SH3GL1: variants seen among roughly 807,000 people sequenced by gnomAD.
SH3GL1 encodes endophilin-A2.
Under a neutral mutation model 48.8 loss-of-function variants are expected in SH3GL1, and 21 were observed. That is an observed-to-expected ratio of 0.43 (90% CI 0.30 to 0.62). SH3GL1 has a LOEUF of 0.62. Among genes scored for constraint, SH3GL1 ranks in the 20% least tolerant of loss-of-function variants. SH3GL1 has a pLI of 0.11. For synonymous variants in SH3GL1, 282 were observed against 217.5 expected (o/e 1.30, Z -2.61); for missense variants, 454 against 503.0 (o/e 0.90, Z 0.93).
rs552687602 is a variant in SH3GL1, at chr19:4,361,239, C to G, written c.*361G>C. The G allele has an allele frequency of 2.9e-6, 1 of 348,148 alleles. No individual in the cohort carries two copies. Among genetic ancestry groups the G allele is most frequent in the Admixed American group, 4.4e-5 (1 of 22,550 alleles). 21.6% of individuals were successfully genotyped at this position (348,148 alleles called of 1,614,324 possible). A position where few individuals can be genotyped will look rare whatever the true frequency, so the allele number is the denominator to read the frequency against. ...GGGCCGGGCCCCCGTCGGGTCAGGA[C>G]GGAGGTGGGGGCTGCCCCAGAGGAA... On this transcript the variant is annotated 3_prime_UTR_variant, in exon 10 of 10. Transcript: ENST00000269886.
Position 4,371,673 on chromosome 19 carries a change from A to C in SH3GL1, c.46-4679T>G, listed in dbSNP as rs549197365. On this transcript the variant is annotated intron_variant, in intron 1 of 9. Coordinates refer to ENST00000269886, the MANE Select transcript of SH3GL1 (RefSeq NM_003025.4). The stretch of plus-strand genomic sequence containing the variant: ...CAGAGGGGTCGGCCCCAGGGTCCTC[A>C]GGTCTCACTGGCAGTCATGCTGTGG... Among the ~76,000 whole-genome samples, 21 of 152,298 alleles carry C rather than the reference A, an allele frequency of 1.4e-4. 1 individual carries two copies. The highest frequency in any genetic ancestry group is 2.8e-4 in the Non-Finnish European group (19 of 68,018).
At chr19:4,390,908 G>A (rs930625149) in intron 1 of SH3GL1, among the ~76,000 whole-genome samples, 3 of 152,202 alleles carry the variant, frequency 2.0e-5, no homozygotes, top group East Asian at 1.9e-4. Flanking sequence ...TACTGGGGAC[G>A]TTGGCAGCAT....
chr19:4,390,913 C>G (rs1177367227), intron 1 of SH3GL1, among the ~76,000 whole-genome samples: 1 of 152,208 alleles, frequency 6.6e-6, no homozygotes, highest in Non-Finnish European at 1.5e-5. Flanking sequence ...GGGACGTTGG[C>G]AGCATGCTCC....
chr19:4,369,100 A>C lies in SH3GL1; in HGVS notation c.46-2106T>G, dbSNP rs376504433. Among the ~76,000 whole-genome samples, 41 of 151,784 alleles carry C rather than the reference A, an allele frequency of 2.7e-4. No homozygotes were observed. The South Asian group carries it at 5.2e-3, about 19-fold the overall frequency. On this transcript the variant is annotated intron_variant, in intron 1 of 9. Transcript: ENST00000269886. ...AGAAAGAAGAAAGAAAAAAAAAATC[A>C]CCTCGTCACACCCACCGCGGGAGGG...
chr19:4,382,973 C>T (rs921002660), intron 1 of SH3GL1, among the ~76,000 whole-genome samples: 1 of 152,172 alleles, frequency 6.6e-6, no homozygotes, highest in Admixed American at 6.5e-5. Context: ...GGCTGGAGTA[C>T]AGTGGCACAA....
At chr19:4,363,645 C>T (rs565089375) in intron 6 of SH3GL1, 75 bp downstream of exon 6, 2 of 1,582,182 alleles carry the variant, frequency 1.3e-6, no homozygotes, top group South Asian at 2.2e-5. Flanking sequence ...ATCTGTCCTC[C>T]AGCTCCCTTG....
In SH3GL1 at chr19:4,389,004, C is replaced by T. The variant is rs1478424884; in HGVS notation, c.45+11320G>A. On this transcript the variant is annotated intron_variant, in intron 1 of 9. Coordinates refer to ENST00000269886, the MANE Select transcript of SH3GL1 (RefSeq NM_003025.4). The surrounding 1 kb of genome is among the most constrained non-coding windows in gnomAD (Gnocchi z 4.5). ...TTGTCAGCCACCTGCCTCCCTGGTGCTGTGACACGGCCTGGTCAGATGCCT... is the reference window on the plus strand; with the variant it reads ...TTGTCAGCCACCTGCCTCCCTGGTGTTGTGACACGGCCTGGTCAGATGCCT... Among the ~76,000 whole-genome samples the T allele has an allele frequency of 1.3e-5, 2 of 152,228 alleles. No individual in the cohort carries two copies. Among genetic ancestry groups the T allele is most frequent in the African/African-American group, 4.8e-5 (2 of 41,468 alleles).
rs531867162 is a variant in SH3GL1 at position 4,368,929 on chromosome 19, G to A, written c.46-1935C>T. 2.4e-4 allele frequency among the ~76,000 whole-genome samples: 36 copies of A among 152,148 alleles called. 1 individual carries two copies. Among genetic ancestry groups the A allele is most frequent in the Admixed American group, 1.1e-3 (17 of 15,278 alleles). ...TACTAAAAATACAAAAAAATTAGCC[G>A]GGCCTGATGGCGGGTGCCTGTAGTC... On this transcript the variant is annotated intron_variant, in intron 1 of 9. Coordinates refer to ENST00000269886, the MANE Select transcript of SH3GL1 (RefSeq NM_003025.4).
Position 4,389,694 on chromosome 19 carries a change from C to T in SH3GL1, c.45+10630G>A, listed in dbSNP as rs1973300444. ...CTGTAGGGTGGGGGCCACGGTGGCCCATCCGTCCTTCCATGTGATATTTAC... is the reference window on the plus strand; with the variant it reads ...CTGTAGGGTGGGGGCCACGGTGGCCTATCCGTCCTTCCATGTGATATTTAC... On this transcript the variant is annotated intron_variant, in intron 1 of 9. Transcript: ENST00000269886. The surrounding 1 kb of genome is among the most constrained non-coding windows in gnomAD (Gnocchi z 4.5). Among the ~76,000 whole-genome samples the T allele has an allele frequency of 6.6e-6, 1 of 152,196 alleles. No homozygotes were observed. Among genetic ancestry groups the T allele is most frequent in the South Asian group, 2.1e-4 (1 of 4,836 alleles).
At chr19:4,392,541 C>T (rs983976112) in intron 1 of SH3GL1, among the ~76,000 whole-genome samples, 2 of 150,192 alleles carry the variant, frequency 1.3e-5, no homozygotes, top group African/African-American at 4.9e-5. Context: ...CACACACACA[C>T]ACACACACAC....
intron 2 of SH3GL1, 89 bp downstream of exon 2, chr19:4,366,837 C>T: frequency 7.6e-7 from 1 of 1,314,422 alleles, no homozygotes; most frequent in Non-Finnish European, 1.1e-6. Flanking sequence ...AGACCCAGGC[C>T]CATCAAGGTT....
At chr19:4,371,290 C>T (rs962704371) in intron 1 of SH3GL1, among the ~76,000 whole-genome samples, 1 of 152,228 alleles carries the variant, frequency 6.6e-6, no homozygotes, top group African/African-American at 2.4e-5. Context: ...ACAGGGCTAC[C>T]GTAGGCAGGA....
intron 1 of SH3GL1, among the ~76,000 whole-genome samples, chr19:4,382,562 G>A (rs1013546665): frequency 6.6e-6 from 1 of 152,102 alleles, no homozygotes; most frequent in African/African-American, 2.4e-5. Context: ...CGGCCCAGGT[G>A]CTCCGCTTTC....
chr19:4,365,438 G>A (rs754549743), intron 4 of SH3GL1, 44 bp downstream of exon 4: 1 of 1,611,026 alleles, frequency 6.2e-7, no homozygotes, highest in South Asian at 1.1e-5. Flanking sequence ...TTGAGGTGTG[G>A]CCTCCAGGGA....
At chr19:4,361,907 TCTGCCCTGCCTGGGCCACCCC>T in intron 9 of SH3GL1, 111 bp from the exon 10 acceptor site, 4 of 778,330 alleles carry the variant, frequency 5.1e-6, no homozygotes, top group South Asian at 5.0e-5. Context: ...GGGCCTCCCC[TCTGCCCTGCCTGGGCCACCCC>T]CTGCCCCTGC....
rs372646766 is a variant in SH3GL1 at position 4,360,773 on chromosome 19, G to T, written c.*827C>A. On this transcript the variant is annotated 3_prime_UTR_variant, in exon 10 of 10. Coordinates refer to ENST00000269886, the MANE Select transcript of SH3GL1 (RefSeq NM_003025.4). ...CTTTGTGCTTGGCCCTCGGCAGCGC[G>T]GCTGTGGTCCCGTGTGAGGTGTGCT... 50 of 233,744 alleles carry T rather than the reference G, an allele frequency of 2.1e-4. No homozygotes were observed. In the South Asian group the frequency reaches 5.9e-3, roughly 28 times the overall value. The allele number at this position is 233,744 out of a possible 1,614,324, so 14.5% of individuals were successfully genotyped here. A position where few individuals can be genotyped will look rare whatever the true frequency, so the allele number is the denominator to read the frequency against.
intron 1 of SH3GL1, among the ~76,000 whole-genome samples, chr19:4,377,252 C>T (rs955119426): frequency 3.3e-5 from 5 of 152,230 alleles, no homozygotes; most frequent in Non-Finnish European, 7.3e-5. Context: ...GAGGTCTGGG[C>T]GGATAGGACA....
intron 1 of SH3GL1, among the ~76,000 whole-genome samples, chr19:4,369,950 C>T (rs1031563800): frequency 1.8e-4 from 28 of 152,250 alleles, no homozygotes; most frequent in Non-Finnish European, 3.7e-4. Context: ...GCAAGGCAGC[C>T]GGGCCACGTG....
intron 6 of SH3GL1, 108 bp from the exon 7 acceptor site, chr19:4,363,581 G>C: frequency 6.9e-7 from 1 of 1,453,328 alleles, no homozygotes; most frequent in Non-Finnish European, 9.6e-7. Context: ...AGGGGACAGG[G>C]GACTGGGGCC....
Sources: gnomAD v4.1 joint callset for allele counts (sites outside exome capture counted in the v4.1 genomes callset) on GRCh38, gnomAD v4.1.1 for gene constraint, Gnocchi (gnomAD v3.1) non-coding constraint, MANE v1.5 for transcripts, NCBI Gene and HGNC (gene_info 2026-07-23, HGNC 2026-07-21) for gene names.